Variants in CACNA2D2 observed in about 807,000 individuals in gnomAD.
The protein encoded by CACNA2D2 is calcium voltage-gated channel auxiliary subunit alpha2delta 2.
A neutral mutation model predicts 166.4 loss-of-function variants in CACNA2D2; 48 were observed. The observed-to-expected ratio is 0.29, with a 90% confidence interval of 0.23 to 0.37. CACNA2D2 has a LOEUF of 0.37. Among genes scored for constraint, CACNA2D2 ranks in the 10% least tolerant of loss-of-function variants. The pLI is 1.00. For synonymous variants in CACNA2D2, 561 were observed against 573.7 expected (o/e 0.98, Z 0.32); for missense variants, 1,122 against 1,433.0 (o/e 0.78, Z 3.50).
chr3:50,431,444 C>T (rs1015966714), intron 3 of CACNA2D2, among the ~76,000 whole-genome samples: 11 of 152,120 alleles, frequency 7.2e-5, no homozygotes, highest in East Asian at 1.9e-4. Context: ...GCTCAGTGCA[C>T]GCCTCAGGAA....
At chr3:50,440,630 C>T (rs939221773) in intron 2 of CACNA2D2, among the ~76,000 whole-genome samples, 3 of 152,256 alleles carry the variant, frequency 2.0e-5, no homozygotes, top group Non-Finnish European at 2.9e-5. Flanking sequence ...GGAGGTCACA[C>T]AGCAGTGTGG....
At chr3:50,401,731 T>C (rs1253888579) in intron 3 of CACNA2D2, among the ~76,000 whole-genome samples, 3 of 152,146 alleles carry the variant, frequency 2.0e-5, no homozygotes, top group Admixed American at 2.0e-4. Context: ...TTTTTTGAGA[T>C]GGAGTCTTGC....
intron 1 of CACNA2D2, among the ~76,000 whole-genome samples, chr3:50,488,058 A>T (rs1163864288): frequency 6.6e-6 from 1 of 152,256 alleles, no homozygotes; most frequent in South Asian, 2.1e-4. Context: ...CATGGGATGC[A>T]TGGGAAGGGG....
chr3:50,377,796 C>T lies in CACNA2D2; in HGVS notation c.1487G>A (p.Gly496Glu). Residue 496 changes from glycine (G) to glutamate (E), a missense_variant, in exon 16 of 38, where the codon GGG becomes GAG. Gly to Glu is a moderately conservative substitution (Grantham distance 98). Transcript: ENST00000424201. Reference sequence around the variant, plus strand: ...AGGGAGGGTCCCTGTTACCACCAACCCCAGTCCCTGAAGGGAGAGGAAGAT... The same window carrying T: ...AGGGAGGGTCCCTGTTACCACCAACTCCAGTCCCTGAAGGGAGAGGAAGAT... ...TNVYEDALGLGLVVTGTLPVF... is the reference protein window; with the variant it reads ...TNVYEDALGLELVVTGTLPVF... 5 of 1,613,100 alleles carry T rather than the reference C, an allele frequency of 3.1e-6. No individual in the cohort carries two copies. The highest frequency in any genetic ancestry group is 4.2e-6 in the Non-Finnish European group (5 of 1,179,652).
Position 50,365,113 on chromosome 3 carries a change from T to A in CACNA2D2, c.3170A>T (p.Gln1057Leu). The change falls in exon 36 of 38, where the codon CAG (glutamine) becomes CTG (leucine). Residue 1057 changes from glutamine (Q) to leucine (L), a missense_variant. Physicochemically the swap from Gln to Leu is moderately radical, Grantham distance 113 (BLOSUM62 -2). Transcript: ENST00000424201. This position sits in a 1 kb window ranked among gnomAD's most constrained non-coding sequence, Gnocchi z 4.5. ...CTGCAGCAGCCGGCCAGCCTCGCAC[T>A]GGCTGCACAGCGGCTTCTCGGCCAC... ...FVVAEKPLCSQCEAGRLLQKE... is the reference protein window; with the variant it reads ...FVVAEKPLCSLCEAGRLLQKE... The A allele has an allele frequency of 6.2e-7, 1 of 1,612,070 alleles. No individual in the cohort carries two copies. The highest frequency in any genetic ancestry group is 8.5e-7 in the Non-Finnish European group (1 of 1,179,686).
chr3:50,450,337 G>A (rs954048745), intron 2 of CACNA2D2, among the ~76,000 whole-genome samples: 1 of 33,292 alleles, frequency 3.0e-5, no homozygotes, highest in African/African-American at 1.2e-4. Flanking sequence ...ACCTACCCCC[G>A]CACCGCCTCC....
Position 50,366,073 on chromosome 3 carries a change from G to T in CACNA2D2, c.2800C>A (p.Gln934Lys). The T allele has an allele frequency of 6.2e-7, 1 of 1,613,876 alleles. No individual in the cohort carries two copies. Residue 934 changes from glutamine to lysine, a missense_variant, in exon 32 of 38, where the codon CAG (glutamine) becomes AAG (lysine). Gln to Lys is a moderately conservative substitution (Grantham distance 53). Coordinates refer to ENST00000424201, the MANE Select transcript of CACNA2D2 (RefSeq NM_006030.4). This position sits in a 1 kb window ranked among gnomAD's most constrained non-coding sequence, Gnocchi z 5.9. ...GGGGGCTGAGGGGCACAGGCTGCCTGATAGTCATAGGACTCCTTGCGGGTG... is the reference window on the plus strand; with the variant it reads ...GGGGGCTGAGGGGCACAGGCTGCCTTATAGTCATAGGACTCCTTGCGGGTG... ...FYTRKESYDY[Q>K]AACAPQPPGN...
At chr3:50,479,851 G>A (rs553502515) in intron 1 of CACNA2D2, among the ~76,000 whole-genome samples, 11 of 152,310 alleles carry the variant, frequency 7.2e-5, no homozygotes, top group African/African-American at 2.4e-4. Flanking sequence ...CACCCAACAC[G>A]GAGGTGGACC....
chr3:50,445,828 C>T (rs2106935930), intron 2 of CACNA2D2, among the ~76,000 whole-genome samples: 1 of 152,298 alleles, frequency 6.6e-6, no homozygotes, highest in East Asian at 1.9e-4. Context: ...TTTCCTAGAG[C>T]TGGGGTCAGT....
intron 3 of CACNA2D2, among the ~76,000 whole-genome samples, chr3:50,411,954 G>T (rs192456592): frequency 6.6e-6 from 1 of 152,300 alleles, no homozygotes. Context: ...GCACCATCCT[G>T]GAAATCCCCC....
chr3:50,462,307 G>A (rs1293724769), intron 2 of CACNA2D2, among the ~76,000 whole-genome samples: 1 of 151,640 alleles, frequency 6.6e-6, no homozygotes, highest in Non-Finnish European at 1.5e-5. Flanking sequence ...AGAATTGCTT[G>A]AACCAGGGAG....
intron 1 of CACNA2D2, among the ~76,000 whole-genome samples, chr3:50,481,543 T>G (rs902654163): frequency 5.3e-5 from 8 of 152,266 alleles, no homozygotes; most frequent in Middle Eastern, 3.4e-3. Context: ...AGCAGGAGGC[T>G]GGGGCAGGTG....
Position 50,376,690 on chromosome 3 carries a change from C to T in CACNA2D2, c.1627-502G>A, listed in dbSNP as rs2106644793. ...GACCTGGACCTAGCCCTTACCTCCC[C>T]CAGTCAGTTTCTTACTGTACCTGGA... On this transcript the variant is annotated intron_variant, in intron 17 of 37. Coordinates refer to ENST00000424201, the MANE Select transcript of CACNA2D2 (RefSeq NM_006030.4). The surrounding 1 kb of genome is among the most constrained non-coding windows in gnomAD (Gnocchi z 4.3). Among the ~76,000 whole-genome samples, 1 of 152,268 alleles carries T rather than the reference C, an allele frequency of 6.6e-6. No individual in the cohort carries two copies.
At chr3:50,466,423 G>A (rs556349912) in intron 2 of CACNA2D2, among the ~76,000 whole-genome samples, 94 of 152,176 alleles carry the variant, frequency 6.2e-4, no homozygotes, top group African/African-American at 1.9e-3. Context: ...ATGTGTGCCC[G>A]CTCACACCTC....
chr3:50,472,201 G>A (rs917206558), intron 2 of CACNA2D2, among the ~76,000 whole-genome samples: 9 of 152,182 alleles, frequency 5.9e-5, no homozygotes, highest in East Asian at 3.9e-4. Flanking sequence ...CCAGGGCCTC[G>A]GTTTCCCCAT....
chr3:50,363,527 AG>A lies in CACNA2D2; in HGVS notation c.*1138del. ...AGGGACAGTTTGGCCTCCTGCAAGCAGGGAGTGTGTGTGTAGGGGTGGGAAG... is the reference window on the plus strand; with the variant it reads ...AGGGACAGTTTGGCCTCCTGCAAGCAGGAGTGTGTGTGTAGGGGTGGGAAG... On this transcript the variant is annotated 3_prime_UTR_variant, in exon 38 of 38. Transcript: ENST00000424201. 5.5e-6 allele frequency: 2 copies of A among 363,882 alleles called. No homozygotes were observed. Among genetic ancestry groups the A allele is most frequent in the Non-Finnish European group, 9.7e-6 (2 of 205,646 alleles). 22.5% of individuals were successfully genotyped at this position (363,882 alleles called of 1,614,324 possible). A position where few individuals can be genotyped will look rare whatever the true frequency, so the allele number is the denominator to read the frequency against.
At chr3:50,373,181 C>A in intron 22 of CACNA2D2, 1 of 1,000,872 alleles carries the variant, frequency 1.0e-6, no homozygotes, top group Non-Finnish European at 1.5e-6. Flanking sequence ...GGGGCACAAA[C>A]AATATTTTAT....
At chr3:50,405,512 G>C (rs1202988815) in intron 3 of CACNA2D2, among the ~76,000 whole-genome samples, 2 of 152,170 alleles carry the variant, frequency 1.3e-5, no homozygotes, top group Non-Finnish European at 2.9e-5. Flanking sequence ...ATCTTGCCCA[G>C]GCCCCCTCAT....
chr3:50,484,855 A>G (rs1169843623), intron 1 of CACNA2D2, among the ~76,000 whole-genome samples: 1 of 152,214 alleles, frequency 6.6e-6, no homozygotes, highest in Admixed American at 6.5e-5. Context: ...AGTCCTGCTG[A>G]CGTCCCAGCC....
Sources: allele counts gnomAD v4.1 joint callset (sites outside exome capture counted in the v4.1 genomes callset), GRCh38; gene constraint gnomAD v4.1.1; non-coding constraint Gnocchi (gnomAD v3.1); transcripts MANE v1.5; gene names NCBI Gene and HGNC (gene_info 2026-07-23, HGNC 2026-07-21).